The following TIAM1 variants were observed in gnomAD, a reference collection of about 807,000 sequenced individuals.
The protein encoded by TIAM1 is rho guanine nucleotide exchange factor TIAM1.
A neutral mutation model predicts 163.5 loss-of-function variants in TIAM1; 65 were observed. The observed-to-expected ratio is 0.40, with a 90% CI of 0.33 to 0.49. The LOEUF (loss-of-function observed/expected upper bound fraction) is 0.49. Among genes scored for constraint, TIAM1 ranks in the 20% least tolerant of loss-of-function variants. The pLI, the probability that TIAM1 is intolerant of heterozygous loss-of-function variation, is 0.77. For synonymous variants in TIAM1, 833 were observed against 810.1 expected (o/e 1.03, Z -0.48); for missense variants, 1,789 against 2,044.7 (o/e 0.87, Z 2.41).
At chr21:31,519,922 T>G (rs1213737186) in intron 1 of TIAM1, among the ~76,000 whole-genome samples, 8 of 145,384 alleles carry the variant, frequency 5.5e-5, no homozygotes, top group African/African-American at 2.0e-4. Flanking sequence ...TATTGTTGAA[T>G]GGGTACGGAG....
intron 25 of TIAM1, among the ~76,000 whole-genome samples, chr21:31,127,774 GATTA>G (rs1307237420): frequency 6.6e-6 from 1 of 152,136 alleles, no homozygotes; most frequent in African/African-American, 2.4e-5. Context: ...TCAATTAAAT[GATTA>G]ATTGTTTTGG....
chr21:31,465,936 G>T (rs1346745115), intron 1 of TIAM1, among the ~76,000 whole-genome samples: 1 of 152,146 alleles, frequency 6.6e-6, no homozygotes, highest in Non-Finnish European at 1.5e-5. Flanking sequence ...TCGATCTCCT[G>T]ACCTTGTGAT....
At position 31,430,224 on chromosome 21, in the gene TIAM1, AAAT is replaced by A. The variant is rs1302568806; in HGVS notation, c.-369+33756_-369+33758del. 5.1e-3 allele frequency among the ~76,000 whole-genome samples: 466 copies of A among 90,896 alleles called. 1 individual carries two copies. The highest frequency in any genetic ancestry group is 0.017 in the African/African-American group (297 of 17,110). The allele number at this position is 90,896 out of a possible 152,430, so 59.6% of individuals were successfully genotyped here. A position where few individuals can be genotyped will look rare whatever the true frequency, so the allele number is the denominator to read the frequency against. On this transcript the variant is annotated intron_variant, in intron 2 of 28. Transcript: ENST00000286827. ...TCCATCTCAAAGAAAAAAAAAAAAA[AAAT>A]ATATATATATATATATATATACACA...
In TIAM1 at chr21:31,266,624, C is replaced by T. The variant is rs758452455; in HGVS notation, c.349G>A (p.Val117Ile). ...CTCTGCACAGAGGCTGCTGTGAGGA[C>T]GATGCTGCTGTCTACGCTGGGAGTG... ...SVTPSVDSSI[V>I]LTAASVQSMP... The change falls in exon 4 of 28, where the codon GTC (valine) becomes ATC (isoleucine). Residue 117 changes from valine (V) to isoleucine (I), a missense_variant. Transcript: ENST00000541036. 16 of 1,614,066 alleles carry T rather than the reference C, an allele frequency of 9.9e-6. No homozygotes were observed. Among genetic ancestry groups the T allele is most frequent in the South Asian group, 8.8e-5 (8 of 91,078 alleles).
At chr21:31,365,387 CTTTTT>C (rs772457613) in intron 2 of TIAM1, among the ~76,000 whole-genome samples, 16 of 128,824 alleles carry the variant, frequency 1.2e-4, no homozygotes, top group Non-Finnish European at 2.3e-4. Flanking sequence ...TTATTTCTTT[CTTTTT>C]TTTTTTTTTT....
chr21:31,554,334 C>A (rs751681349), intron 1 of TIAM1, among the ~76,000 whole-genome samples: 2 of 152,256 alleles, frequency 1.3e-5, no homozygotes, highest in Non-Finnish European at 2.9e-5. Context: ...CATACTCTAG[C>A]GGGGCAGAAG....
chr21:31,226,459 G>C (rs1469113840), intron 6 of TIAM1, among the ~76,000 whole-genome samples: 1 of 152,132 alleles, frequency 6.6e-6, no homozygotes, highest in Non-Finnish European at 1.5e-5. Context: ...GAAGTGGTCA[G>C]GTAGCCAGAA....
chr21:31,424,475 T>C (rs1350424766), intron 2 of TIAM1, among the ~76,000 whole-genome samples: 3 of 152,184 alleles, frequency 2.0e-5, no homozygotes, highest in African/African-American at 7.2e-5. Flanking sequence ...GGAAAAATAT[T>C]CTGACACATG....
intron 8 of TIAM1, among the ~76,000 whole-genome samples, chr21:31,221,037 C>T (rs897934787): frequency 6.6e-6 from 1 of 152,062 alleles, no homozygotes; most frequent in African/African-American, 2.4e-5. Context: ...TCCTCCTCCC[C>T]CACTAAAAAG....
At chr21:31,204,959 T>G (rs2086375016) in intron 11 of TIAM1, among the ~76,000 whole-genome samples, 1 of 152,226 alleles carries the variant, frequency 6.6e-6, no homozygotes, top group South Asian at 2.1e-4. Context: ...CCAGTGCACC[T>G]GGCTTTTGTC....
At chr21:31,265,484 T>C (rs1319448081) in intron 4 of TIAM1, among the ~76,000 whole-genome samples, 1 of 151,348 alleles carries the variant, frequency 6.6e-6, no homozygotes, top group African/African-American at 2.4e-5. Context: ...GAACAGGAAA[T>C]TGAAATGGCT....
At chr21:31,453,620 G>A (rs950219444) in intron 2 of TIAM1, among the ~76,000 whole-genome samples, 2 of 151,840 alleles carry the variant, frequency 1.3e-5, no homozygotes, top group African/African-American at 4.8e-5. Context: ...TTGAACCCAG[G>A]AGGCAGAGGT....
intron 1 of TIAM1, among the ~76,000 whole-genome samples, chr21:31,526,297 G>C (rs986522798): frequency 6.6e-6 from 1 of 152,184 alleles, no homozygotes; most frequent in Non-Finnish European, 1.5e-5. Context: ...CGGGAAGCAA[G>C]CAGCAAAACT....
Position 31,331,914 on chromosome 21 carries a change from C to T in TIAM1, c.-189+7329G>A, listed in dbSNP as rs531865563. Reference sequence around the variant, plus strand: ...AAAGGGAAATATTGAACATTCAGATCAGCTTTTTGCTTTCTTTTAACTACA... The same window carrying T: ...AAAGGGAAATATTGAACATTCAGATTAGCTTTTTGCTTTCTTTTAACTACA... On this transcript the variant is annotated intron_variant, in intron 2 of 27. Transcript: ENST00000541036. 1.3e-5 allele frequency among the ~76,000 whole-genome samples: 2 copies of T among 152,164 alleles called. 1 individual carries two copies. The highest frequency in any genetic ancestry group is 4.1e-4 in the South Asian group (2 of 4,828).
At chr21:31,488,069 C>T (rs970947202) in intron 1 of TIAM1, among the ~76,000 whole-genome samples, 5 of 152,288 alleles carry the variant, frequency 3.3e-5, no homozygotes, top group Non-Finnish European at 7.3e-5. Context: ...GGTGATCCAC[C>T]CACTTCGGCC....
chr21:31,298,341 A>G (rs190182185), intron 2 of TIAM1, among the ~76,000 whole-genome samples: 2 of 152,320 alleles, frequency 1.3e-5, no homozygotes, highest in East Asian at 1.9e-4. Flanking sequence ...AGTGTTTTCT[A>G]AACTTTCTTA....
intron 6 of TIAM1, among the ~76,000 whole-genome samples, chr21:31,239,141 A>T (rs1007513675): frequency 1.3e-5 from 2 of 149,952 alleles, no homozygotes; most frequent in African/African-American, 5.0e-5. Flanking sequence ...TTTTTTTTTT[A>T]AGATAGGGTC....
intron 1 of TIAM1, among the ~76,000 whole-genome samples, chr21:31,467,588 T>G (rs1189906098): frequency 6.7e-6 from 1 of 149,800 alleles, no homozygotes; most frequent in African/African-American, 2.5e-5. Context: ...ATTGGGCCAC[T>G]GCACTCCAGC....
intron 3 of TIAM1, among the ~76,000 whole-genome samples, chr21:31,268,202 T>A (rs1228416681): frequency 6.6e-6 from 1 of 152,174 alleles, no homozygotes; most frequent in Non-Finnish European, 1.5e-5. Flanking sequence ...ATTGAGCACC[T>A]ACCATGTTCT....
Sources: allele counts gnomAD v4.1 joint callset (sites outside exome capture counted in the v4.1 genomes callset), GRCh38; gene constraint gnomAD v4.1.1; transcripts MANE v1.5; gene names NCBI Gene and HGNC (gene_info 2026-07-23, HGNC 2026-07-21).